FAM13A: variants seen among roughly 807,000 people sequenced by gnomAD.
FAM13A encodes family with sequence similarity 13 member A.
Under a neutral mutation model 129.6 loss-of-function variants are expected in FAM13A, and 76 were observed. The observed-to-expected ratio is 0.59, with a 90% confidence interval of 0.49 to 0.71. FAM13A has a LOEUF of 0.71. Ranked by LOEUF, FAM13A falls within the 30% of genes least tolerant of loss-of-function variation. The pLI is 0.00. For synonymous variants in FAM13A, 443 were observed against 449.9 expected (o/e 0.98, Z 0.20); for missense variants, 1,108 against 1,249.3 (o/e 0.89, Z 1.70).
At chr4:88,734,040 C>T (rs2972028) in intron 21 of FAM13A, among the ~76,000 whole-genome samples, 66,791 of 152,072 alleles carry the variant, frequency 0.44, 17,908 homozygotes, top group African/African-American at 0.75. Flanking sequence ...AATAAGACAA[C>T]CATCATAAGT....
At chr4:88,804,491 G>A (rs1728164470) in intron 8 of FAM13A, among the ~76,000 whole-genome samples, 1 of 152,126 alleles carries the variant, frequency 6.6e-6, no homozygotes. Context: ...CCAGAGAGAG[G>A]TGATCTTGAA....
At chr4:89,025,815 T>C (rs750543635) in intron 2 of FAM13A, among the ~76,000 whole-genome samples, 10 of 152,276 alleles carry the variant, frequency 6.6e-5, no homozygotes, top group East Asian at 1.9e-4. Flanking sequence ...TACTTATATA[T>C]ACACGAAACA....
At chr4:88,964,084 G>C (rs1759013324) in intron 4 of FAM13A, among the ~76,000 whole-genome samples, 1 of 152,172 alleles carries the variant, frequency 6.6e-6, no homozygotes, top group Admixed American at 6.5e-5. Flanking sequence ...ACATAAAGTA[G>C]CTGCAATCTG....
At chr4:89,054,284 CAA>C (rs1771948640) in intron 1 of FAM13A, among the ~76,000 whole-genome samples, 1 of 108,104 alleles carries the variant, frequency 9.3e-6, no homozygotes, top group African/African-American at 3.9e-5. Context: ...TACAGACACA[CAA>C]AGATACACAC....
At chr4:88,741,049 T>G (rs1204203149) in intron 19 of FAM13A, among the ~76,000 whole-genome samples, 2 of 152,186 alleles carry the variant, frequency 1.3e-5, no homozygotes, top group African/African-American at 4.8e-5. Flanking sequence ...ATGTTGAACA[T>G]CTGGAACTCT....
At chr4:88,841,757 A>T (rs1332313817) in intron 7 of FAM13A, among the ~76,000 whole-genome samples, 6 of 152,162 alleles carry the variant, frequency 3.9e-5, no homozygotes, top group Admixed American at 3.9e-4. Flanking sequence ...AAAAAAACAG[A>T]TGGTAACAAT....
At chr4:88,785,790 C>A (rs533290819) in intron 10 of FAM13A, among the ~76,000 whole-genome samples, 5 of 152,230 alleles carry the variant, frequency 3.3e-5, no homozygotes, top group Admixed American at 2.0e-4. Context: ...CTAAGAGAAG[C>A]CGTTCAGTGT....
intron 1 of FAM13A, among the ~76,000 whole-genome samples, chr4:89,040,996 T>C (rs1770038166): frequency 6.6e-6 from 1 of 152,174 alleles, no homozygotes; most frequent in Non-Finnish European, 1.5e-5. Flanking sequence ...TCTTCAGCTT[T>C]TGGACCCTTG....
intron 7 of FAM13A, among the ~76,000 whole-genome samples, chr4:88,810,176 G>A (rs957874494): frequency 6.6e-6 from 1 of 151,972 alleles, no homozygotes; most frequent in Non-Finnish European, 1.5e-5. Flanking sequence ...TTATTCTGAA[G>A]GCAAAACAAA....
At position 88,817,333 on chromosome 4, in the gene FAM13A, C is replaced by T. The variant is rs147499505; in HGVS notation, c.1008-12281G>A. ...ATCCCAGCATTTTGGGAGGCTGAGGCGGGTAGATCACTTGAGGTCAGGAGT... is the reference window on the plus strand; with the variant it reads ...ATCCCAGCATTTTGGGAGGCTGAGGTGGGTAGATCACTTGAGGTCAGGAGT... On this transcript the variant is annotated intron_variant, in intron 7 of 23. Coordinates refer to ENST00000264344, the MANE Select transcript of FAM13A (RefSeq NM_014883.4). Among the ~76,000 whole-genome samples, 126 of 152,180 alleles carry T rather than the reference C, an allele frequency of 8.3e-4. 1 individual carries two copies. In the East Asian group the frequency reaches 0.019, roughly 23 times the overall value.
intron 6 of FAM13A, among the ~76,000 whole-genome samples, chr4:88,882,533 A>T (rs558796874): frequency 3.9e-5 from 6 of 152,170 alleles, no homozygotes; most frequent in Admixed American, 2.6e-4. Context: ...TAAATTTTGA[A>T]AATATACCAA....
At chr4:88,921,593 A>G (rs1751101307) in intron 5 of FAM13A, among the ~76,000 whole-genome samples, 1 of 152,230 alleles carries the variant, frequency 6.6e-6, no homozygotes, top group Non-Finnish European at 1.5e-5. Flanking sequence ...GCCGCTGCAA[A>G]ATCATGCCAA....
At chr4:88,742,770 CTCA>C (rs1158691865) in intron 19 of FAM13A, among the ~76,000 whole-genome samples, 1 of 152,180 alleles carries the variant, frequency 6.6e-6, no homozygotes, top group Non-Finnish European at 1.5e-5. Flanking sequence ...TTATTCTTGA[CTCA>C]TCAGCTGCTC....
At chr4:88,730,548 A>G (rs1737474435) in intron 23 of FAM13A, among the ~76,000 whole-genome samples, 1 of 151,920 alleles carries the variant, frequency 6.6e-6, no homozygotes, top group Non-Finnish European at 1.5e-5. Context: ...GTGCTACTGC[A>G]CCCGGCTAAT....
intron 4 of FAM13A, among the ~76,000 whole-genome samples, chr4:88,948,097 C>T (rs966417224): frequency 1.3e-5 from 2 of 152,242 alleles, no homozygotes; most frequent in South Asian, 2.1e-4. Context: ...TAAACACTGG[C>T]TCCTAATATA....
intron 21 of FAM13A, chr4:88,736,577 G>A (rs1739027675): frequency 6.6e-6 from 1 of 152,102 alleles, no homozygotes; most frequent in East Asian, 1.9e-4. Flanking sequence ...AACAATCACT[G>A]TTTTTTAAAA....
At chr4:88,777,729 A>T (rs1169835162) in intron 11 of FAM13A, among the ~76,000 whole-genome samples, 1 of 152,188 alleles carries the variant, frequency 6.6e-6, no homozygotes, top group Non-Finnish European at 1.5e-5. Context: ...GGCCAGCAAG[A>T]TCACTGTGAA....
At chr4:88,933,654 C>A (rs1194134746) in intron 5 of FAM13A, among the ~76,000 whole-genome samples, 1 of 152,120 alleles carries the variant, frequency 6.6e-6, no homozygotes, top group Non-Finnish European at 1.5e-5. Flanking sequence ...GTCTCTAGTA[C>A]CTCCTTTTGT....
At chr4:88,957,461 A>C (rs1039693310) in intron 4 of FAM13A, among the ~76,000 whole-genome samples, 5 of 152,246 alleles carry the variant, frequency 3.3e-5, no homozygotes, top group African/African-American at 1.2e-4. Context: ...TAGAACTTGC[A>C]GAATGATGAG....
Sources: allele counts gnomAD v4.1 joint callset (sites outside exome capture counted in the v4.1 genomes callset), GRCh38; gene constraint gnomAD v4.1.1; transcripts MANE v1.5; gene names NCBI Gene and HGNC (gene_info 2026-07-23, HGNC 2026-07-21).